Variants in UGT3A2 observed in about 807,000 individuals in gnomAD.
UGT3A2 encodes the protein UDP glycosyltransferase family 3 member A2.
In UGT3A2, 32 loss-of-function variants were observed where a neutral mutation model predicts 39.8. That is an observed-to-expected ratio of 0.80 (90% CI 0.61 to 1.08). UGT3A2 has a LOEUF of 1.08. Among genes scored for constraint, UGT3A2 ranks in the 50% least tolerant of loss-of-function variants. The pLI is 0.00. For synonymous variants in UGT3A2, 241 were observed against 230.7 expected (o/e 1.04, Z -0.40); for missense variants, 611 against 637.1 (o/e 0.96, Z 0.44).
Position 36,039,728 on chromosome 5 carries a change from G to GT in UGT3A2, c.844-21dup. 6.2e-7 allele frequency: 1 copy of GT among 1,607,936 alleles called. No individual in the cohort carries two copies. Among genetic ancestry groups the GT allele is most frequent in the Non-Finnish European group, 8.5e-7 (1 of 1,175,066 alleles). On this transcript the variant is annotated intron_variant, in intron 4 of 6. Coordinates refer to ENST00000282507, the MANE Select transcript of UGT3A2 (RefSeq NM_174914.4). ...CAAGTCCTGGAGAAAGATTACCAAG[G>GT]TAAAGAGGTGACAAAATTATTGGTG... is the stretch of plus-strand genomic sequence containing the variant.
chr5:36,039,686 T>C lies in UGT3A2; in HGVS notation c.866A>G (p.Lys289Arg). ...VPQDLENFIA[K>R]FGDSGFVLVT... Reference sequence around the variant, plus strand: ...AAGGACAAAACCAGAGTCCCCAAACTTGGCAATGAAGTTCTCCAAGTCCTG... The same window carrying C: ...AAGGACAAAACCAGAGTCCCCAAACCTGGCAATGAAGTTCTCCAAGTCCTG... The change falls in exon 5 of 7, where the codon AAG becomes AGG. Residue 289 changes from lysine to arginine, a missense_variant. By Grantham distance (26) the Lys-to-Arg change is conservative (BLOSUM62 2). Transcript: ENST00000282507. 6.2e-7 allele frequency: 1 copy of C among 1,614,124 alleles called. No individual in the cohort carries two copies. Among genetic ancestry groups the C allele is most frequent in the Non-Finnish European group, 8.5e-7 (1 of 1,180,018 alleles).
At chr5:36,054,942 T>TCCTGTCATATTCTCCTC (rs1214327736) in intron 2 of UGT3A2, among the ~76,000 whole-genome samples, 2 of 152,120 alleles carry the variant, frequency 1.3e-5, no homozygotes, top group African/African-American at 2.4e-5. Flanking sequence ...CAGCCCTCCT[T>TCCTGTCATATTCTCCTC]CCTGTCATAT....
At chr5:36,066,636 C>T in intron 1 of UGT3A2, 60 bp downstream of exon 1, 1 of 1,609,834 alleles carries the variant, frequency 6.2e-7, no homozygotes, top group African/African-American at 1.3e-5. Context: ...TTCTCTGGAG[C>T]CCTGGCAGTG....
At chr5:36,064,166 A>C (rs1742805567) in intron 2 of UGT3A2, 83 bp downstream of exon 2, 2 of 1,280,486 alleles carry the variant, frequency 1.6e-6, no homozygotes, top group African/African-American at 1.5e-5. Context: ...TTTTTAAAAA[A>C]CATTTTGCTA....
chr5:36,057,667 C>G (rs1742557500), intron 2 of UGT3A2, among the ~76,000 whole-genome samples: 1 of 152,008 alleles, frequency 6.6e-6, no homozygotes, highest in Non-Finnish European at 1.5e-5. Context: ...TCCCACGTAG[C>G]TGGGACCACA....
At chr5:36,048,479 G>A (rs548488853) in intron 4 of UGT3A2, among the ~76,000 whole-genome samples, 11 of 152,250 alleles carry the variant, frequency 7.2e-5, no homozygotes, top group East Asian at 3.9e-4. Flanking sequence ...TGCTTACTCC[G>A]AATCCATAGT....
At chr5:36,039,408 G>T in intron 5 of UGT3A2, 69 bp downstream of exon 5, 1 of 1,470,454 alleles carries the variant, frequency 6.8e-7, no homozygotes, top group Non-Finnish European at 9.5e-7. Flanking sequence ...TCCAGCTAAA[G>T]GTCAGAGCCG....
chr5:36,051,978 T>C lies in UGT3A2; in HGVS notation c.203A>G (p.Lys68Arg). ...AACTTGATATGATTTTTCTTCCTTT[T>C]TAAAATCTAAGAAAACAGCAACGGG... The part of the protein sequence containing the change: ...HKRGPFMPDF[K>R]KEEKSYQVIS... Residue 68 changes from lysine (K) to arginine (R), a missense_variant, in exon 3 of 7, where the codon AAA (lysine) becomes AGA (arginine). Coordinates refer to ENST00000282507, the MANE Select transcript of UGT3A2 (RefSeq NM_174914.4). The C allele has an allele frequency of 6.4e-7, 1 of 1,561,910 alleles. No homozygotes were observed. Among genetic ancestry groups the C allele is most frequent in the Non-Finnish European group, 8.6e-7 (1 of 1,161,574 alleles).
At chr5:36,056,027 G>A (rs970439577) in intron 2 of UGT3A2, among the ~76,000 whole-genome samples, 3 of 151,924 alleles carry the variant, frequency 2.0e-5, no homozygotes, top group East Asian at 1.9e-4. Context: ...ATGAGCCACC[G>A]CGCCCAGCCT....
In UGT3A2 at chr5:36,035,628, A is replaced by T. The variant is rs1741792990; in HGVS notation, c.*70T>A. ...AGGACTAGAGAATGGGGCTGCCAGA[A>T]CTAGTGGGAAGCTCCCTAGAAATGG... On this transcript the variant is annotated 3_prime_UTR_variant, in exon 7 of 7. Coordinates refer to ENST00000282507, the MANE Select transcript of UGT3A2 (RefSeq NM_174914.4). The T allele has an allele frequency of 6.4e-7, 1 of 1,559,772 alleles. No individual in the cohort carries two copies. The highest frequency in any genetic ancestry group is 1.8e-5 in the Admixed American group (1 of 54,298).
intron 2 of UGT3A2, among the ~76,000 whole-genome samples, chr5:36,059,887 G>C (rs765634123): frequency 3.3e-5 from 5 of 152,170 alleles, no homozygotes; most frequent in Non-Finnish European, 7.3e-5. Flanking sequence ...TGAACAAACC[G>C]TGTGGGTGCT....
intron 5 of UGT3A2, 88 bp from the exon 6 acceptor site, chr5:36,038,104 G>C: frequency 7.3e-7 from 1 of 1,369,336 alleles, no homozygotes. Flanking sequence ...AAAGTGCCAA[G>C]GGGATCTAGT....
intron 4 of UGT3A2, among the ~76,000 whole-genome samples, chr5:36,044,291 C>G (rs540105189): frequency 1.3e-5 from 2 of 152,062 alleles, no homozygotes; most frequent in East Asian, 3.9e-4. Flanking sequence ...TTCAAAGTCC[C>G]TTCATGATAA....
intron 4 of UGT3A2, among the ~76,000 whole-genome samples, chr5:36,047,657 A>AT (rs1329479524): frequency 6.6e-6 from 1 of 151,772 alleles, no homozygotes; most frequent in Non-Finnish European, 1.5e-5. Flanking sequence ...AAGAAACATA[A>AT]TTTTTTTTAA....
intron 2 of UGT3A2, among the ~76,000 whole-genome samples, chr5:36,057,030 C>A (rs1742535123): frequency 6.6e-6 from 1 of 152,230 alleles, no homozygotes. Flanking sequence ...GGCTTTCTCT[C>A]TCATGCTCGT....
chr5:36,051,802 G>GCATC, intron 3 of UGT3A2, 68 bp downstream of exon 3: 1 of 1,118,932 alleles, frequency 8.9e-7, no homozygotes, highest in East Asian at 2.4e-5. Context: ...AAGTATCCAT[G>GCATC]CATCCATCCA....
chr5:36,061,103 C>T (rs1052651206), intron 2 of UGT3A2, among the ~76,000 whole-genome samples: 2 of 152,058 alleles, frequency 1.3e-5, no homozygotes, highest in South Asian at 2.1e-4. Context: ...ACCTAGGTAA[C>T]GGAGGTTGCA....
At chr5:36,056,212 T>G (rs1052223440) in intron 2 of UGT3A2, among the ~76,000 whole-genome samples, 3 of 152,242 alleles carry the variant, frequency 2.0e-5, no homozygotes, top group Admixed American at 6.5e-5. Flanking sequence ...CAGAAAGTGC[T>G]GGAAATGTAA....
intron 4 of UGT3A2, 39 bp from the exon 5 acceptor site, chr5:36,039,747 A>G (rs1270640337): frequency 1.9e-6 from 3 of 1,577,688 alleles, no homozygotes; most frequent in Admixed American, 3.4e-5. Flanking sequence ...TGACAAAATT[A>G]TTGGTGAAAG....
Sources: allele counts gnomAD v4.1 joint callset (sites outside exome capture counted in the v4.1 genomes callset), GRCh38; gene constraint gnomAD v4.1.1; transcripts MANE v1.5; gene names NCBI Gene and HGNC (gene_info 2026-07-23, HGNC 2026-07-21).